Variants in SNX29 observed in about 807,000 individuals in gnomAD.
SNX29 encodes sorting nexin 29, also known as sorting nexin-29.
In SNX29, 78 loss-of-function variants were observed where a neutral mutation model predicts 102.1. That is an observed-to-expected ratio of 0.76 (90% CI 0.64 to 0.92). The LOEUF (loss-of-function observed/expected upper bound fraction) is 0.92. Among genes scored for constraint, SNX29 ranks in the 40% least tolerant of loss-of-function variants. SNX29 has a pLI of 0.00. For missense variants in SNX29, 1,280 were observed against 1,061.7 expected (o/e 1.21, Z -2.86); for synonymous variants, 580 against 414.5 (o/e 1.40, Z -4.85).
intron 20 of SNX29, among the ~76,000 whole-genome samples, chr16:12,535,641 A>G (rs1400018188): frequency 2.0e-5 from 3 of 152,188 alleles, no homozygotes; most frequent in South Asian, 4.1e-4. Flanking sequence ...AAGCACTTAC[A>G]GAGCAGTCTT....
In SNX29 at chr16:12,188,052, C is replaced by G. The variant is rs964598570; in HGVS notation, c.1596-11549C>G. Among the ~76,000 whole-genome samples the G allele has an allele frequency of 6.6e-5, 10 of 152,240 alleles. No homozygotes were observed. In the South Asian group the frequency reaches 1.7e-3, roughly 25 times the overall value. ...TCCAGGTGATAATTTGAGCATTATT[C>G]CAAGTGTTTCCCTAGTCCTCACTCC... On this transcript the variant is annotated intron_variant, in intron 13 of 20. Transcript: ENST00000566228.
intron 15 of SNX29, among the ~76,000 whole-genome samples, chr16:12,282,203 AG>A (rs1358697160): frequency 6.6e-6 from 1 of 152,082 alleles, no homozygotes; most frequent in Non-Finnish European, 1.5e-5. Context: ...TTGAAGAAGA[AG>A]GTTAACTTGA....
chr16:12,309,193 T>C (rs2151127955), intron 15 of SNX29, among the ~76,000 whole-genome samples: 1 of 152,198 alleles, frequency 6.6e-6, no homozygotes, highest in South Asian at 2.1e-4. Flanking sequence ...GCAATCAGGG[T>C]CTGTTTGAGT....
intron 4 of SNX29, among the ~76,000 whole-genome samples, chr16:12,029,928 G>C (rs183087307): frequency 9.2e-6 from 1 of 108,324 alleles, no homozygotes; most frequent in South Asian, 2.6e-4. Context: ...ATATATCATC[G>C]TCAGGTTATA....
intron 11 of SNX29, among the ~76,000 whole-genome samples, chr16:12,123,011 G>C (rs573422706): frequency 1.3e-5 from 2 of 152,168 alleles, no homozygotes; most frequent in Admixed American, 6.5e-5. Flanking sequence ...ATTTTTAGTA[G>C]AGATGAGGTT....
At chr16:12,230,281 C>T (rs563996607) in intron 14 of SNX29, among the ~76,000 whole-genome samples, 1 of 152,218 alleles carries the variant, frequency 6.6e-6, no homozygotes, top group African/African-American at 2.4e-5. Context: ...CATTGTCTGA[C>T]TTCCCGTTTG....
chr16:12,030,541 C>T (rs1442110868), intron 4 of SNX29, among the ~76,000 whole-genome samples: 1 of 152,196 alleles, frequency 6.6e-6, no homozygotes, highest in Admixed American at 6.5e-5. Context: ...CACATGGGTC[C>T]CTGAGCCACT....
chr16:12,035,716 T>C (rs1396860703), intron 4 of SNX29, among the ~76,000 whole-genome samples: 1 of 152,182 alleles, frequency 6.6e-6, no homozygotes, highest in Non-Finnish European at 1.5e-5. Context: ...TTCATCCCTC[T>C]GTCTTCTTTG....
At chr16:12,413,957 A>C (rs1027674217) in intron 18 of SNX29, among the ~76,000 whole-genome samples, 4 of 152,260 alleles carry the variant, frequency 2.6e-5, no homozygotes, top group African/African-American at 9.6e-5. Context: ...AGTCCCTCAT[A>C]TAAAATGCCA....
chr16:12,375,757 GA>G (rs1431931879), intron 16 of SNX29: 1 of 152,226 alleles, frequency 6.6e-6, no homozygotes, highest in Non-Finnish European at 1.5e-5. Flanking sequence ...TTCTGGCCGG[GA>G]GCAGTGGCTC....
At chr16:12,460,969 C>T (rs1342297891) in intron 18 of SNX29, among the ~76,000 whole-genome samples, 1 of 152,212 alleles carries the variant, frequency 6.6e-6, no homozygotes, top group African/African-American at 2.4e-5. Context: ...AGAACAGGCA[C>T]ATTGCTTTTG....
intron 16 of SNX29, among the ~76,000 whole-genome samples, chr16:12,390,505 C>A (rs188252376): frequency 1.4e-4 from 22 of 152,216 alleles, no homozygotes; most frequent in Admixed American, 7.2e-4. Flanking sequence ...ACTTCCTCTC[C>A]CCCTGTCACC....
chr16:12,428,038 A>G (rs1281068237), intron 18 of SNX29, among the ~76,000 whole-genome samples: 1 of 152,260 alleles, frequency 6.6e-6, no homozygotes, highest in Non-Finnish European at 1.5e-5. Flanking sequence ...TGTTGGATAT[A>G]AATGTGAATG....
chr16:12,567,768 T>C (rs890149735), intron 20 of SNX29, among the ~76,000 whole-genome samples: 1 of 152,092 alleles, frequency 6.6e-6, no homozygotes, highest in Non-Finnish European at 1.5e-5. Context: ...CTCCAGAAAA[T>C]ACAATTTTGA....
At chr16:12,327,084 C>T (rs1263154130) in intron 15 of SNX29, among the ~76,000 whole-genome samples, 2 of 152,116 alleles carry the variant, frequency 1.3e-5, no homozygotes, top group Non-Finnish European at 2.9e-5. Context: ...GACCCCTCTT[C>T]GTGGGTCCCT....
chr16:12,382,118 CA>C (rs2083186442), intron 16 of SNX29, among the ~76,000 whole-genome samples: 1 of 152,104 alleles, frequency 6.6e-6, no homozygotes, highest in African/African-American at 2.4e-5. Context: ...AGGGAGGCAG[CA>C]ACCCTATTTG....
intron 14 of SNX29, among the ~76,000 whole-genome samples, chr16:12,234,676 G>A (rs2077870859): frequency 6.6e-6 from 1 of 152,196 alleles, no homozygotes; most frequent in Non-Finnish European, 1.5e-5. Flanking sequence ...ATGATTTGAT[G>A]TTAGAGCTGA....
At chr16:12,371,486 T>G (rs1323140030) in intron 16 of SNX29, among the ~76,000 whole-genome samples, 1 of 152,198 alleles carries the variant, frequency 6.6e-6, no homozygotes, top group Non-Finnish European at 1.5e-5. Flanking sequence ...TTAAAATTTT[T>G]TTGTAGAGAC....
intron 20 of SNX29, among the ~76,000 whole-genome samples, chr16:12,538,391 C>G (rs1323076080): frequency 6.6e-6 from 1 of 152,116 alleles, no homozygotes; most frequent in Non-Finnish European, 1.5e-5. Context: ...CGCCCGGCCT[C>G]CCCTTGCACT....
Sources: allele counts gnomAD v4.1 joint callset (sites outside exome capture counted in the v4.1 genomes callset), GRCh38; gene constraint gnomAD v4.1.1; transcripts MANE v1.5; gene names NCBI Gene and HGNC (gene_info 2026-07-23, HGNC 2026-07-21).